BCKDHB: variants seen among roughly 807,000 people sequenced by gnomAD.
BCKDHB encodes the protein 2-oxoisovalerate dehydrogenase subunit beta, mitochondrial.
BCKDHB carries 41 observed loss-of-function variants against 48.5 expected under a neutral mutation model. The observed-to-expected ratio is 0.85, with a 90% CI of 0.66 to 1.10. BCKDHB has a LOEUF of 1.10. Among genes scored for constraint, BCKDHB ranks in the 50% least tolerant of loss-of-function variants. The pLI is 0.00. For missense variants in BCKDHB, 496 were observed against 494.2 expected (o/e 1.00, Z -0.03); for synonymous variants, 201 against 174.8 (o/e 1.15, Z -1.18).
chr6:80,110,442 T>C (rs1180565200), intron 1 of BCKDHB, among the ~76,000 whole-genome samples: 3 of 152,238 alleles, frequency 2.0e-5, no homozygotes, highest in African/African-American at 4.8e-5. Flanking sequence ...GTCATCCATA[T>C]ACTGGAGTAT....
chr6:80,411,422 G>T, the BCKDHB span, among the ~76,000 whole-genome samples: 1 of 152,186 alleles, frequency 6.6e-6, no homozygotes, highest in Admixed American at 6.5e-5. Flanking sequence ...TGGGGTCAGG[G>T]ACCCACTTGA....
chr6:80,280,443 A>G (rs1778148701), intron 9 of BCKDHB, among the ~76,000 whole-genome samples: 1 of 152,200 alleles, frequency 6.6e-6, no homozygotes, highest in Non-Finnish European at 1.5e-5. Context: ...CTAAAAAGCT[A>G]GTCACAGACT....
At chr6:80,400,436 A>G in the BCKDHB span, among the ~76,000 whole-genome samples, 1 of 152,126 alleles carries the variant, frequency 6.6e-6, no homozygotes, top group African/African-American at 2.4e-5. Flanking sequence ...TTTTTAAGAT[A>G]AGACATACAT....
intron 9 of BCKDHB, chr6:80,307,737 T>C (rs1412734796): frequency 2.0e-6 from 2 of 980,834 alleles, no homozygotes; most frequent in East Asian, 1.1e-4. Flanking sequence ...TAGACCATAT[T>C]GTCAGATTTA....
chr6:80,332,217 C>T (rs948217955), intron 9 of BCKDHB, among the ~76,000 whole-genome samples: 1 of 152,072 alleles, frequency 6.6e-6, no homozygotes, highest in Non-Finnish European at 1.5e-5. Context: ...CACCCCAGTG[C>T]CAGCCGTGAG....
At chr6:80,139,662 T>A (rs1169211158) in intron 3 of BCKDHB, among the ~76,000 whole-genome samples, 3 of 152,102 alleles carry the variant, frequency 2.0e-5, no homozygotes, top group African/African-American at 7.3e-5. Context: ...CATTGATCTA[T>A]GTCTCTGTTT....
chr6:80,323,982 C>T (rs1768892047), intron 9 of BCKDHB, among the ~76,000 whole-genome samples: 1 of 152,130 alleles, frequency 6.6e-6, no homozygotes, highest in South Asian at 2.1e-4. Context: ...CCGTGTTAGC[C>T]AGGGTGGTCT....
the BCKDHB span, among the ~76,000 whole-genome samples, chr6:80,460,790 T>C: frequency 6.6e-6 from 1 of 152,174 alleles, no homozygotes; most frequent in African/African-American, 2.4e-5. Context: ...CTGAGTTAAG[T>C]GGACACTTTT....
At chr6:80,154,901 C>T (rs1432083333) in intron 3 of BCKDHB, among the ~76,000 whole-genome samples, 1 of 152,090 alleles carries the variant, frequency 6.6e-6, no homozygotes, top group Non-Finnish European at 1.5e-5. Context: ...GTAAAAACAG[C>T]TTGGCACCTT....
the BCKDHB span, among the ~76,000 whole-genome samples, chr6:80,354,994 T>TAAAA: frequency 6.6e-6 from 1 of 152,220 alleles, no homozygotes; most frequent in Non-Finnish European, 1.5e-5. Flanking sequence ...GACTCTTTTT[T>TAAAA]GTTCCATATG....
At chr6:80,239,261 T>C (rs1776278786) in intron 8 of BCKDHB, among the ~76,000 whole-genome samples, 1 of 152,180 alleles carries the variant, frequency 6.6e-6, no homozygotes, top group Admixed American at 6.5e-5. Context: ...CTCAAGCACC[T>C]GTTGTTTCCT....
At chr6:80,242,015 C>G (rs1263277431) in intron 8 of BCKDHB, among the ~76,000 whole-genome samples, 1 of 152,118 alleles carries the variant, frequency 6.6e-6, no homozygotes, top group Non-Finnish European at 1.5e-5. Flanking sequence ...TGTGTTTTCA[C>G]TCTTTTAATG....
the BCKDHB span, among the ~76,000 whole-genome samples, chr6:80,442,258 A>G: frequency 6.6e-6 from 1 of 152,170 alleles, no homozygotes; most frequent in Non-Finnish European, 1.5e-5. Context: ...CTTGGCTAAT[A>G]TAGTTTGAAT....
chr6:80,213,333 C>A (rs1397260768), intron 8 of BCKDHB, among the ~76,000 whole-genome samples: 1 of 152,006 alleles, frequency 6.6e-6, no homozygotes, highest in East Asian at 1.9e-4. Flanking sequence ...TATTTGAATT[C>A]TTATTAGAAT....
intron 9 of BCKDHB, among the ~76,000 whole-genome samples, chr6:80,334,021 T>C (rs1769446790): frequency 6.6e-6 from 1 of 152,096 alleles, no homozygotes; most frequent in Non-Finnish European, 1.5e-5. Flanking sequence ...TACCCAATTA[T>C]GGGAGTAAAA....
intron 6 of BCKDHB, among the ~76,000 whole-genome samples, chr6:80,190,233 T>C (rs1483098976): frequency 6.6e-6 from 1 of 152,120 alleles, no homozygotes; most frequent in Admixed American, 6.6e-5. Context: ...TTGATTAGTC[T>C]CAGGAAAAAC....
the BCKDHB span, chr6:80,356,626 G>A: frequency 6.6e-6 from 1 of 151,902 alleles, no homozygotes; most frequent in Non-Finnish European, 1.5e-5. Context: ...GCCATGTTAG[G>A]GTGAGGATCA....
chr6:80,126,273 A>G (rs1418874895), intron 1 of BCKDHB, among the ~76,000 whole-genome samples: 3 of 152,164 alleles, frequency 2.0e-5, no homozygotes, highest in Non-Finnish European at 4.4e-5. Flanking sequence ...ATGCCAGAGT[A>G]GGCAGAACGT....
chr6:80,400,157 G>GA, the BCKDHB span, among the ~76,000 whole-genome samples: 2 of 151,978 alleles, frequency 1.3e-5, no homozygotes, highest in Non-Finnish European at 2.9e-5. Context: ...ATAAGATTCT[G>GA]AACACAGGAA....
Sources: allele counts gnomAD v4.1 joint callset (sites outside exome capture counted in the v4.1 genomes callset), GRCh38; gene constraint gnomAD v4.1.1; transcripts MANE v1.5; gene names NCBI Gene and HGNC (gene_info 2026-07-23, HGNC 2026-07-21).